Variants in CIBAR1 observed in about 807,000 individuals in gnomAD.
CIBAR1 encodes CBY1 interacting BAR domain containing 1.
CIBAR1 carries 25 observed loss-of-function variants against 44.0 expected under a neutral mutation model. The ratio of observed to expected loss-of-function variants is 0.57; its 90% CI spans 0.41 to 0.79. The LOEUF (loss-of-function observed/expected upper bound fraction) is 0.79. CIBAR1 is among the 30% of genes least tolerant of loss of function. CIBAR1 has a pLI of 0.00. For synonymous variants in CIBAR1, 115 were observed against 119.0 expected (o/e 0.97, Z 0.22); for missense variants, 278 against 344.8 (o/e 0.81, Z 1.53).
At chr8:93,720,600 G>T (rs1586285753) in intron 7 of CIBAR1, among the ~76,000 whole-genome samples, 1 of 152,136 alleles carries the variant, frequency 6.6e-6, no homozygotes, top group East Asian at 1.9e-4. Context: ...GCCAGGCACA[G>T]TGGCCCACAC....
At position 93,704,917 on chromosome 8, in the gene CIBAR1, C is replaced by A; in HGVS notation, c.339C>A (p.Leu113=). The A allele has an allele frequency of 6.3e-7, 1 of 1,595,884 alleles. No homozygotes were observed. Among genetic ancestry groups the A allele is most frequent in the African/African-American group, 1.3e-5 (1 of 74,272 alleles). ...AAAATGCCAATTTGCAGGATGACCTCAAAGCAACACTCACAGCAAGGAATC... is the reference window on the plus strand; with the variant it reads ...AAAATGCCAATTTGCAGGATGACCTAAAAGCAACACTCACAGCAAGGAATC... ...GTIVKMKRDD[L]KATLTARNRE... is the part of the protein sequence containing the mutation. Residue 113 remains leucine (L), a synonymous_variant, in exon 4 of 9, where the codon CTC becomes CTA. Coordinates refer to ENST00000518322, the MANE Select transcript of CIBAR1 (RefSeq NM_145269.5).
At chr8:93,707,276 C>T (rs1810630796) in intron 4 of CIBAR1, 1 of 406,446 alleles carries the variant, frequency 2.5e-6, no homozygotes, top group Non-Finnish European at 4.9e-6. Context: ...GGATGTGTTA[C>T]TTTAGGTGAG....
In CIBAR1 at chr8:93,704,967, TAGAA is replaced by T. The variant is rs762464497; in HGVS notation, c.394_397del (p.Arg132HisfsTer45). 6 of 1,612,892 alleles carry T rather than the reference TAGAA, an allele frequency of 3.7e-6. No individual in the cohort carries two copies. The South Asian group carries it at 4.4e-5, about 12-fold the overall frequency. On this transcript the variant is annotated frameshift_variant, in exon 4 of 9. Transcript: ENST00000518322. LOFTEE classifies it high-confidence loss of function. Reference sequence around the variant, plus strand: ...CGAGAAGCTAAGCAATTAACTCAGTTAGAAAGAACACGTCAGCGAAACCCATCTG... The same window carrying T: ...CGAGAAGCTAAGCAATTAACTCAGTTAGAACACGTCAGCGAAACCCATCTG...
chr8:93,719,433 C>T (rs771669970), intron 7 of CIBAR1: 2 of 152,230 alleles, frequency 1.3e-5, no homozygotes, highest in Non-Finnish European at 2.9e-5. Flanking sequence ...TGAGTGTTTA[C>T]ATCATGCACA....
At chr8:93,710,701 G>A (rs1586268617) in intron 6 of CIBAR1, among the ~76,000 whole-genome samples, 1 of 151,970 alleles carries the variant, frequency 6.6e-6, no homozygotes, top group South Asian at 2.1e-4. Context: ...AGGCGTGATG[G>A]CACACACCTG....
At chr8:93,704,678 T>C (rs771620010) in intron 3 of CIBAR1, among the ~76,000 whole-genome samples, 2 of 152,224 alleles carry the variant, frequency 1.3e-5, no homozygotes, top group Non-Finnish European at 2.9e-5. Flanking sequence ...TCTATTATGG[T>C]TAATAGTTTT....
At chr8:93,724,172 A>C (rs561360698) in intron 7 of CIBAR1, among the ~76,000 whole-genome samples, 1 of 152,340 alleles carries the variant, frequency 6.6e-6, no homozygotes, top group East Asian at 1.9e-4. Context: ...ACAGTGAGCT[A>C]TGACTGCACT....
chr8:93,713,659 ATG>A (rs1020589196), intron 6 of CIBAR1, among the ~76,000 whole-genome samples: 10 of 152,152 alleles, frequency 6.6e-5, no homozygotes, highest in African/African-American at 2.4e-4. Context: ...ATTTTTATAT[ATG>A]GTTAAATTTT....
In CIBAR1 at chr8:93,701,367, C is replaced by G; in HGVS notation, c.170C>G (p.Ala57Gly). The G allele has an allele frequency of 4.3e-6, 7 of 1,613,826 alleles. No homozygotes were observed. The highest frequency in any genetic ancestry group is 5.9e-6 in the Non-Finnish European group (7 of 1,179,880). Residue 57 changes from alanine (A) to glycine (G), a missense_variant, in exon 2 of 9, where the codon GCG becomes GGG. Coordinates refer to ENST00000518322, the MANE Select transcript of CIBAR1 (RefSeq NM_145269.5). ...GACCTCCTGGTGAATGAAATTAACG[C>G]GTATGCTGCTACAGAGACCCCGCAT... ...KADLLVNEIN[A>G]YAATETPHLK...
chr8:93,726,462 G>A lies in CIBAR1; in HGVS notation c.726G>A (p.Lys242=). ...SRLDIVRANS[K]SPLQRSLSAK... is the part of the protein sequence containing the mutation. ...TAGATATTGTAAGAGCAAATTCAAA[G>A]TCACCTCTTCAGAGATCACTGTCAG... is the stretch of plus-strand genomic sequence containing the variant. The change falls in exon 8 of 9, where the codon AAG becomes AAA. Residue 242 remains lysine (K), a synonymous_variant. Transcript: ENST00000518322. 7.4e-6 allele frequency: 12 copies of A among 1,613,712 alleles called. No homozygotes were observed. The highest frequency in any genetic ancestry group is 1.0e-5 in the Non-Finnish European group (12 of 1,179,726).
intron 6 of CIBAR1, among the ~76,000 whole-genome samples, chr8:93,710,836 C>CAAAAA (rs35465241): frequency 8.3e-6 from 1 of 120,598 alleles, no homozygotes; most frequent in Non-Finnish European, 1.7e-5. Context: ...GACTCTGACT[C>CAAAAA]AAAAAAAAAA....
At position 93,700,855 on chromosome 8, in the gene CIBAR1, G is replaced by A. The variant is rs1810312548; in HGVS notation, c.26+182G>A. On this transcript the variant is annotated intron_variant, in intron 1 of 8. Transcript: ENST00000518322. ...TGCAGCCACCGCCGGCGGCGAAGAG[G>A]AGCCCGGGGCCCGGCCGGCTGCCAC... The A allele has an allele frequency of 5.3e-6, 7 of 1,310,540 alleles. No homozygotes were observed. The South Asian group carries it at 1.0e-4, about 19-fold the overall frequency. The allele number at this position is 1,310,540 out of a possible 1,614,324, so 81.2% of individuals were successfully genotyped here.
rs55857954 is a variant in CIBAR1, at chr8:93,728,251, A to G, written c.824A>G (p.Glu275Gly). The change falls in exon 9 of 9, where the codon GAG becomes GGG. Residue 275 changes from glutamate to glycine, a missense_variant. Around this residue, in one of 3 missense-constraint regions of CIBAR1, gnomAD observed 93 missense variants for 108.9 expected, o/e 0.85. Transcript: ENST00000518322. ...AAGGATCAACAAGCAGAAGATGATG[A>G]GGATGACGAGTTAGATGTTACAGAA... is the stretch of plus-strand genomic sequence containing the variant. ...LRKDQQAEDDEDDELDVTEEE... is the reference protein window; with the variant it reads ...LRKDQQAEDDGDDELDVTEEE... 1 of 1,599,410 alleles carries G rather than the reference A, an allele frequency of 6.3e-7. No homozygotes were observed. Among genetic ancestry groups the G allele is most frequent in the South Asian group, 1.1e-5 (1 of 87,838 alleles).
chr8:93,703,767 A>G, intron 3 of CIBAR1, 79 bp downstream of exon 3: 1 of 1,233,444 alleles, frequency 8.1e-7, no homozygotes, highest in Non-Finnish European at 1.1e-6. Flanking sequence ...TTTTTAAATA[A>G]GAAATACAAA....
intron 6 of CIBAR1, chr8:93,715,509 T>G (rs1811006108): frequency 6.6e-6 from 1 of 152,214 alleles, no homozygotes; most frequent in Admixed American, 6.5e-5. Flanking sequence ...TTCCTATGCA[T>G]ATATACAGAG....
chr8:93,724,854 A>G (rs1811412921), intron 7 of CIBAR1, among the ~76,000 whole-genome samples: 1 of 152,184 alleles, frequency 6.6e-6, no homozygotes, highest in African/African-American at 2.4e-5. Flanking sequence ...CATCTCAGAA[A>G]GTTCTTCTGG....
intron 3 of CIBAR1, among the ~76,000 whole-genome samples, chr8:93,704,540 G>A (rs943927441): frequency 6.6e-6 from 1 of 152,130 alleles, no homozygotes; most frequent in African/African-American, 2.4e-5. Flanking sequence ...TAATAGGCCT[G>A]GGGGTTGGGA....
intron 7 of CIBAR1, among the ~76,000 whole-genome samples, chr8:93,725,097 G>A (rs543519020): frequency 2.6e-5 from 4 of 151,928 alleles, no homozygotes; most frequent in South Asian, 2.1e-4. Context: ...ATTCTCCTGC[G>A]TCAGCCTCCC....
chr8:93,723,365 T>A (rs1034142016), intron 7 of CIBAR1, among the ~76,000 whole-genome samples: 1 of 152,100 alleles, frequency 6.6e-6, no homozygotes, highest in Non-Finnish European at 1.5e-5. Flanking sequence ...TTGAATTTGG[T>A]CCTTGGTAAC....
Sources: gnomAD v4.1 joint callset for allele counts (sites outside exome capture counted in the v4.1 genomes callset) on GRCh38, gnomAD v4.1.1 for gene constraint, gnomAD v4.1.1 regional missense constraint, MANE v1.5 for transcripts, NCBI Gene and HGNC (gene_info 2026-07-23, HGNC 2026-07-21) for gene names.